The following ADAMTSL3 variants were observed in gnomAD, a reference collection of about 807,000 sequenced individuals.
ADAMTSL3 encodes ADAMTS like 3.
ADAMTSL3 carries 128 observed loss-of-function variants against 201.7 expected under a neutral mutation model. That is an observed-to-expected ratio of 0.63 (90% CI 0.55 to 0.73). The LOEUF is 0.73. ADAMTSL3 is among the 30% of genes least tolerant of loss of function. The probability of loss-of-function intolerance (pLI) is 0.00; values close to 1 mark genes in which losing one functional copy is unlikely to be tolerated. For missense variants in ADAMTSL3, 1,990 were observed against 2,119.6 expected (o/e 0.94, Z 1.20); for synonymous variants, 738 against 748.4 (o/e 0.99, Z 0.23).
intron 28 of ADAMTSL3, among the ~76,000 whole-genome samples, chr15:84,033,898 A>T (rs2141944026): frequency 6.6e-6 from 1 of 152,326 alleles, no homozygotes; most frequent in South Asian, 2.1e-4. Flanking sequence ...ATCTGATTAA[A>T]TTGGGTTTTA....
Position 84,017,465 on chromosome 15 carries a change from A to G in ADAMTSL3, c.4273+966A>G, listed in dbSNP as rs189819917. On this transcript the variant is annotated intron_variant, in intron 25 of 29. Coordinates refer to ENST00000286744, the MANE Select transcript of ADAMTSL3 (RefSeq NM_207517.3). Reference sequence around the variant, plus strand: ...CATGTTGTACTCGTTATATAGGAACAATAATGGCCACGTCATTTTCACCTT... The same window carrying G: ...CATGTTGTACTCGTTATATAGGAACGATAATGGCCACGTCATTTTCACCTT... Among the ~76,000 whole-genome samples the G allele has an allele frequency of 1.4e-4, 21 of 152,344 alleles. No individual in the cohort carries two copies. In the East Asian group the frequency reaches 1.9e-3, roughly 14 times the overall value.
At chr15:83,864,289 A>C (rs2141802945) in intron 8 of ADAMTSL3, among the ~76,000 whole-genome samples, 1 of 152,346 alleles carries the variant, frequency 6.6e-6, no homozygotes, top group Admixed American at 6.5e-5. Context: ...CTGATACCAA[A>C]GCCTGGCAGA....
chr15:83,726,332 A>T (rs113368422), intron 3 of ADAMTSL3, among the ~76,000 whole-genome samples: 3 of 152,012 alleles, frequency 2.0e-5, no homozygotes, highest in East Asian at 1.9e-4. Flanking sequence ...AGATCATATC[A>T]TCTGAAAACA....
intron 23 of ADAMTSL3, among the ~76,000 whole-genome samples, chr15:84,014,278 G>C (rs1228002125): frequency 1.3e-5 from 2 of 151,918 alleles, no homozygotes; most frequent in Non-Finnish European, 2.9e-5. Context: ...TCCCAATACA[G>C]AGCAATCCTA....
chr15:83,826,559 G>A (rs908877203), intron 6 of ADAMTSL3, among the ~76,000 whole-genome samples: 7 of 150,984 alleles, frequency 4.6e-5, no homozygotes, highest in African/African-American at 9.8e-5. Context: ...TGTGAACAAC[G>A]TGCAGGTTTG....
At chr15:83,862,373 G>T (rs2064882539) in intron 8 of ADAMTSL3, 2 of 152,210 alleles carry the variant, frequency 1.3e-5, no homozygotes, top group African/African-American at 4.8e-5. Flanking sequence ...CAGAGAGAAA[G>T]GTCGGGTTAC....
intron 3 of ADAMTSL3, chr15:83,717,324 A>G (rs1458199204): frequency 6.6e-6 from 1 of 152,202 alleles, no homozygotes; most frequent in Non-Finnish European, 1.5e-5. Context: ...TTCTTTTTGA[A>G]GGCTAAGATT....
At chr15:84,003,278 C>T (rs2067833106) in intron 23 of ADAMTSL3, among the ~76,000 whole-genome samples, 1 of 152,076 alleles carries the variant, frequency 6.6e-6, no homozygotes, top group South Asian at 2.1e-4. Context: ...TACCATATTT[C>T]TGATATTAAG....
chr15:83,701,435 A>G (rs1176717809), intron 2 of ADAMTSL3, among the ~76,000 whole-genome samples: 6 of 152,052 alleles, frequency 3.9e-5, no homozygotes, highest in Admixed American at 2.6e-4. Flanking sequence ...TCAGACTCCA[A>G]CCATTGTGAT....
chr15:83,667,083 ACT>A (rs1033657984), intron 2 of ADAMTSL3, among the ~76,000 whole-genome samples: 2 of 151,598 alleles, frequency 1.3e-5, no homozygotes, highest in Middle Eastern at 3.2e-3. Flanking sequence ...TAATTTTTTA[ACT>A]CTCTACTTTT....
At chr15:83,833,988 C>T (rs2064211217) in intron 6 of ADAMTSL3, among the ~76,000 whole-genome samples, 1 of 152,158 alleles carries the variant, frequency 6.6e-6, no homozygotes, top group South Asian at 2.1e-4. Context: ...CGTGCTTTAT[C>T]CATTAATGGT....
At chr15:83,920,298 T>C (rs1212557057) in intron 16 of ADAMTSL3, among the ~76,000 whole-genome samples, 1 of 152,216 alleles carries the variant, frequency 6.6e-6, no homozygotes, top group African/African-American at 2.4e-5. Flanking sequence ...GGCCTCGAGC[T>C]GTAGTTTCTT....
At chr15:83,722,066 G>A (rs1567098846) in intron 3 of ADAMTSL3, among the ~76,000 whole-genome samples, 1 of 152,096 alleles carries the variant, frequency 6.6e-6, no homozygotes, top group Non-Finnish European at 1.5e-5. Flanking sequence ...TTGCCTTTAT[G>A]AAACTGCCTT....
Position 83,942,709 on chromosome 15 carries a change from G to A in ADAMTSL3, c.2231G>A (p.Arg744Gln), listed in dbSNP as rs770349745. ...ACCCCTGCCCCTCCTGAGGAGTGCC[G>A]AGATGAAAAGCCCCATGCTTTACAA... is the stretch of plus-strand genomic sequence containing the variant. ...GETPAPPEECRDEKPHALQAC... is the reference protein window; with the variant it reads ...GETPAPPEECQDEKPHALQAC... The change falls in exon 18 of 30, where the codon CGA becomes CAA. Residue 744 changes from arginine to glutamine, a missense_variant. By Grantham distance (43) the Arg-to-Gln change is conservative. Transcript: ENST00000286744. The A allele has an allele frequency of 1.4e-5, 22 of 1,613,778 alleles. No individual in the cohort carries two copies. The highest frequency in any genetic ancestry group is 1.4e-5 in the Non-Finnish European group (17 of 1,179,970).
At chr15:83,922,904 TAGTC>T (rs554565564) in intron 16 of ADAMTSL3, among the ~76,000 whole-genome samples, 31 of 152,352 alleles carry the variant, frequency 2.0e-4, no homozygotes, top group Middle Eastern at 3.4e-3. Flanking sequence ...TCAAATAACA[TAGTC>T]AGTTGCTATT....
At chr15:83,730,803 T>C (rs1029706014) in intron 3 of ADAMTSL3, among the ~76,000 whole-genome samples, 2 of 152,114 alleles carry the variant, frequency 1.3e-5, no homozygotes, top group African/African-American at 4.8e-5. Context: ...ATTTTCACTT[T>C]TGTTGCCTGA....
chr15:84,000,681 G>C, intron 23 of ADAMTSL3, among the ~76,000 whole-genome samples: 1 of 152,190 alleles, frequency 6.6e-6, no homozygotes, highest in East Asian at 1.9e-4. Context: ...TTCTAACTAA[G>C]GAGTCAGAAA....
intron 7 of ADAMTSL3, among the ~76,000 whole-genome samples, chr15:83,842,363 A>G (rs1263413065): frequency 6.6e-6 from 1 of 152,028 alleles, no homozygotes; most frequent in Admixed American, 6.5e-5. Context: ...GAAAGAGCAC[A>G]CTGTAACACA....
At chr15:83,743,280 G>A (rs963268097) in intron 3 of ADAMTSL3, among the ~76,000 whole-genome samples, 3 of 151,802 alleles carry the variant, frequency 2.0e-5, no homozygotes, top group Non-Finnish European at 4.4e-5. Context: ...TTGGGAGGCC[G>A]AGGCGGGTGG....
Sources: gnomAD v4.1 joint callset for allele counts (sites outside exome capture counted in the v4.1 genomes callset) on GRCh38, gnomAD v4.1.1 for gene constraint, MANE v1.5 for transcripts, NCBI Gene and HGNC (gene_info 2026-07-23, HGNC 2026-07-21) for gene names.